GRIK1: variants seen among roughly 807,000 people sequenced by gnomAD.
GRIK1 encodes the protein glutamate receptor ionotropic, kainate 1.
GRIK1 carries 69 observed loss-of-function variants against 105.7 expected under a neutral mutation model. That is an observed-to-expected ratio of 0.65 (90% CI 0.54 to 0.80). The LOEUF (loss-of-function observed/expected upper bound fraction) is 0.80, where lower values mean the gene tolerates loss of function less well. Ranked by LOEUF, GRIK1 falls within the 30% of genes least tolerant of loss-of-function variation. The probability of loss-of-function intolerance (pLI) is 0.00; values close to 1 mark genes in which losing one functional copy is unlikely to be tolerated. For missense variants in GRIK1, 1,109 were observed against 1,167.3 expected (o/e 0.95, Z 0.73); for synonymous variants, 438 against 431.3 (o/e 1.02, Z -0.19).
At chr21:29,895,917 C>T (rs1284167169) in intron 1 of GRIK1, among the ~76,000 whole-genome samples, 1 of 152,152 alleles carries the variant, frequency 6.6e-6, no homozygotes, top group Non-Finnish European at 1.5e-5. Flanking sequence ...CTCAGTGTAG[C>T]ACTTTCATCT....
chr21:29,772,044 G>A (rs1241176380), intron 1 of GRIK1, among the ~76,000 whole-genome samples: 3 of 152,164 alleles, frequency 2.0e-5, no homozygotes, highest in African/African-American at 2.4e-5. Flanking sequence ...TAGTTTATTC[G>A]TTGGAACTTG....
chr21:29,764,706 C>T (rs1433043982), intron 1 of GRIK1, among the ~76,000 whole-genome samples: 1 of 152,130 alleles, frequency 6.6e-6, no homozygotes, highest in Non-Finnish European at 1.5e-5. Context: ...CATAAGATAA[C>T]TGATTTCTAG....
rs1201508832 is a variant in GRIK1 at position 29,560,519 on chromosome 21, C to CCTTTCTTT, written c.2356+1097_2356+1104dup. The stretch of plus-strand genomic sequence containing the variant: ...TCTTTCCTTCCTTCCTTCCTTCCTT[C>CCTTTCTTT]CTTTCTTTCTTTCTTTCTTTCTTTC... On this transcript the variant is annotated intron_variant, in intron 15 of 17. Coordinates refer to ENST00000327783, the MANE Select transcript of GRIK1 (RefSeq NM_001330994.2). Among the ~76,000 whole-genome samples the CCTTTCTTT allele has an allele frequency of 2.2e-3, 126 of 57,814 alleles. 3 individuals carry two copies. The highest frequency in any genetic ancestry group is 0.011 in the Middle Eastern group (1 of 92). The allele number at this position is 57,814 out of a possible 152,430, so 37.9% of individuals were successfully genotyped here.
intron 1 of GRIK1, among the ~76,000 whole-genome samples, chr21:29,753,702 A>T (rs1478101443): frequency 6.6e-6 from 1 of 152,220 alleles, no homozygotes; most frequent in Non-Finnish European, 1.5e-5. Flanking sequence ...CTTTAAAATC[A>T]TCCCTTTGCT....
intron 1 of GRIK1, among the ~76,000 whole-genome samples, chr21:29,737,530 G>A (rs1350300127): frequency 6.6e-6 from 1 of 152,234 alleles, no homozygotes; most frequent in East Asian, 1.9e-4. Context: ...ACTGTTTTTA[G>A]CACATCAGTT....
chr21:29,759,052 C>T (rs371728299), intron 1 of GRIK1: 1 of 153,014 alleles, frequency 6.5e-6, no homozygotes, highest in African/African-American at 2.4e-5. Flanking sequence ...AGAAGCTCCC[C>T]TCTGTGAGAC....
chr21:29,783,215 C>T (rs1601685514), intron 1 of GRIK1, among the ~76,000 whole-genome samples: 1 of 151,874 alleles, frequency 6.6e-6, no homozygotes, highest in African/African-American at 2.4e-5. Flanking sequence ...CTGTTTTTGT[C>T]TTTTGCAAAT....
chr21:29,783,061 T>C (rs1815866579), intron 1 of GRIK1, among the ~76,000 whole-genome samples: 1 of 152,210 alleles, frequency 6.6e-6, no homozygotes, highest in Admixed American at 6.5e-5. Flanking sequence ...CATTAAAGTA[T>C]CCATTTCTTC....
chr21:29,875,521 A>T (rs555589920), intron 1 of GRIK1, among the ~76,000 whole-genome samples: 1 of 152,088 alleles, frequency 6.6e-6, no homozygotes, highest in Non-Finnish European at 1.5e-5. Context: ...AGCAACCACA[A>T]TGATTTACGC....
At chr21:29,927,464 T>C (rs755488781) in intron 1 of GRIK1, among the ~76,000 whole-genome samples, 2 of 150,256 alleles carry the variant, frequency 1.3e-5, no homozygotes, top group African/African-American at 4.9e-5. Flanking sequence ...ATATATGCAA[T>C]AAATATGCTT....
chr21:29,697,752 C>A (rs2063731676), intron 1 of GRIK1, among the ~76,000 whole-genome samples: 1 of 152,080 alleles, frequency 6.6e-6, no homozygotes, highest in African/African-American at 2.4e-5. Context: ...GCTTCAGATA[C>A]AACAAAACGA....
At position 29,893,506 on chromosome 21, in the gene GRIK1, T is replaced by G. The variant is rs116171613; in HGVS notation, c.118+45877A>C. On this transcript the variant is annotated intron_variant, in intron 1 of 17. Coordinates refer to ENST00000327783, the MANE Select transcript of GRIK1 (RefSeq NM_001330994.2). Reference sequence around the variant, plus strand: ...CCCTCTGTGCCTCAGTTCCTTCTTTTGTAATGTGGGGTATGTATAATCTAT... The same window carrying G: ...CCCTCTGTGCCTCAGTTCCTTCTTTGGTAATGTGGGGTATGTATAATCTAT... 3.8e-3 allele frequency among the ~76,000 whole-genome samples: 584 copies of G among 152,322 alleles called. 5 individuals are homozygous for G. The highest frequency in any genetic ancestry group is 0.013 in the African/African-American group (555 of 41,566).
chr21:29,759,364 C>A (rs1017496640), intron 1 of GRIK1, among the ~76,000 whole-genome samples: 2 of 152,042 alleles, frequency 1.3e-5, no homozygotes, highest in Admixed American at 6.6e-5. Context: ...GTGATCCGCC[C>A]GCCTCGGCCT....
chr21:29,857,287 GC>G (rs2068491816), intron 1 of GRIK1, among the ~76,000 whole-genome samples: 2 of 152,172 alleles, frequency 1.3e-5, no homozygotes, highest in Admixed American at 6.5e-5. Flanking sequence ...GAGCTGGGAT[GC>G]CCACAATGGA....
intron 16 of GRIK1, among the ~76,000 whole-genome samples, chr21:29,542,207 C>A (rs2089983627): frequency 6.6e-6 from 1 of 152,164 alleles, no homozygotes; most frequent in Non-Finnish European, 1.5e-5. Context: ...ACTCTGATCC[C>A]TCCATGCTTG....
At chr21:29,626,640 C>A (rs1226712458) in intron 7 of GRIK1, among the ~76,000 whole-genome samples, 1 of 152,118 alleles carries the variant, frequency 6.6e-6, no homozygotes, top group Non-Finnish European at 1.5e-5. Context: ...CACTGTTTGA[C>A]AATTCTCTCT....
chr21:29,907,372 T>C (rs1301555947), intron 1 of GRIK1, among the ~76,000 whole-genome samples: 2 of 152,220 alleles, frequency 1.3e-5, no homozygotes, highest in East Asian at 1.9e-4. Context: ...TAATCAATGT[T>C]CTAGATCATA....
intron 1 of GRIK1, among the ~76,000 whole-genome samples, chr21:29,765,010 A>T (rs954479749): frequency 7.2e-5 from 11 of 152,194 alleles, no homozygotes; most frequent in Non-Finnish European, 1.5e-4. Context: ...ATATAAATCG[A>T]ATAGGTTGAA....
chr21:29,785,482 T>C (rs2066232983), intron 1 of GRIK1, among the ~76,000 whole-genome samples: 1 of 147,132 alleles, frequency 6.8e-6, no homozygotes, highest in Non-Finnish European at 1.5e-5. Flanking sequence ...GAGAATCCCT[T>C]GAACCTGGGA....
Sources: allele counts gnomAD v4.1 joint callset (sites outside exome capture counted in the v4.1 genomes callset), GRCh38; gene constraint gnomAD v4.1.1; transcripts MANE v1.5; gene names NCBI Gene and HGNC (gene_info 2026-07-23, HGNC 2026-07-21).